Variants in ARSB observed in about 807,000 individuals in gnomAD.
ARSB encodes N-acetylgalactosamine-4-sulfatase.
Under a neutral mutation model 50.9 loss-of-function variants are expected in ARSB, and 41 were observed. That is an observed-to-expected ratio of 0.81 (90% CI 0.63 to 1.04). ARSB has a LOEUF of 1.04. Ranked by LOEUF, ARSB falls within the 50% of genes least tolerant of loss-of-function variation. The pLI is 0.00. For missense variants in ARSB, 672 were observed against 693.3 expected (o/e 0.97, Z 0.35); for synonymous variants, 269 against 284.8 (o/e 0.94, Z 0.56).
chr5:78,781,985 A>G lies in ARSB; in HGVS notation c.1214-11T>C. On this transcript the variant is annotated splice_polypyrimidine_tract_variant and intron_variant, in intron 6 of 7. Coordinates refer to ENST00000264914, the MANE Select transcript of ARSB (RefSeq NM_000046.5). The stretch of plus-strand genomic sequence containing the variant: ...TGCTGTTCCTGGGACCTGGGAAGAA[A>G]TAGTTTGAAAGAATTAGATCACTGT... 2.5e-6 allele frequency: 4 copies of G among 1,614,088 alleles called. No individual in the cohort carries two copies. Among genetic ancestry groups the G allele is most frequent in the Non-Finnish European group, 3.4e-6 (4 of 1,179,930 alleles).
In ARSB at chr5:78,885,181, T is replaced by G. The variant is rs150285882; in HGVS notation, c.1142+403A>C. 16 of 223,906 alleles carry G rather than the reference T, an allele frequency of 7.1e-5. No homozygotes were observed. The East Asian group carries it at 1.5e-3, about 21-fold the overall frequency. 13.9% of individuals were successfully genotyped at this position (223,906 alleles called of 1,614,324 possible). A position where few individuals can be genotyped will look rare whatever the true frequency, so the allele number is the denominator to read the frequency against. On this transcript the variant is annotated intron_variant, in intron 5 of 7. Transcript: ENST00000264914. Reference sequence around the variant, plus strand: ...TGCTTGTTAGATACTTGCTAATAAATGGAAATAAACATATCCCTAGTTCCT... The same window carrying G: ...TGCTTGTTAGATACTTGCTAATAAAGGGAAATAAACATATCCCTAGTTCCT...
At chr5:78,790,486 A>G (rs917047889) in intron 6 of ARSB, among the ~76,000 whole-genome samples, 1 of 152,228 alleles carries the variant, frequency 6.6e-6, no homozygotes, top group African/African-American at 2.4e-5. Context: ...TAAAATTAAC[A>G]TAACAGTAGC....
chr5:78,805,833 G>T (rs952340490), intron 6 of ARSB, among the ~76,000 whole-genome samples: 1 of 152,162 alleles, frequency 6.6e-6, no homozygotes, highest in Non-Finnish European at 1.5e-5. Flanking sequence ...AACTGGTCGC[G>T]GTGCCGAACC....
chr5:78,811,925 A>T (rs1743820948), intron 6 of ARSB, among the ~76,000 whole-genome samples: 1 of 151,178 alleles, frequency 6.6e-6, no homozygotes, highest in South Asian at 2.1e-4. Context: ...TTCACATTTC[A>T]TCCATACATT....
chr5:78,956,593 C>G (rs1456073181), intron 3 of ARSB, among the ~76,000 whole-genome samples: 1 of 152,014 alleles, frequency 6.6e-6, no homozygotes. Flanking sequence ...AAGCCAGAGT[C>G]CCAGAACGGC....
intron 4 of ARSB, among the ~76,000 whole-genome samples, chr5:78,906,028 A>G (rs79253508): frequency 0.036 from 5,476 of 151,988 alleles, 330 homozygotes; most frequent in African/African-American, 0.12. Context: ...CACAACACCA[A>G]TGCAGATCTT....
At position 78,925,821 on chromosome 5, in the gene ARSB, C is replaced by T. The variant is rs184792573; in HGVS notation, c.898+29474G>A. Among the ~76,000 whole-genome samples the T allele has an allele frequency of 1.5e-3, 226 of 152,198 alleles. 3 individuals are homozygous for T. In the South Asian group the frequency reaches 0.019, roughly 13 times the overall value. On this transcript the variant is annotated intron_variant, in intron 4 of 7. Transcript: ENST00000264914. ...TGTGTTTATTTCCCGATTTACAAAA[C>T]GGTGATAATTATTTCTAACCTACCC... is the stretch of plus-strand genomic sequence containing the variant.
At chr5:78,880,993 A>T (rs1020470187) in intron 5 of ARSB, among the ~76,000 whole-genome samples, 1 of 152,206 alleles carries the variant, frequency 6.6e-6, no homozygotes, top group East Asian at 1.9e-4. Context: ...GCGCTTTGGG[A>T]GGCCAAGGCA....
intron 6 of ARSB, among the ~76,000 whole-genome samples, chr5:78,828,593 C>T (rs944847878): frequency 1.7e-4 from 26 of 152,188 alleles, no homozygotes; most frequent in Admixed American, 6.5e-5. Flanking sequence ...CAACTTGTAA[C>T]GTCTCTACCA....
chr5:78,856,416 G>A (rs1418851086), intron 5 of ARSB, among the ~76,000 whole-genome samples: 1 of 152,170 alleles, frequency 6.6e-6, no homozygotes. Flanking sequence ...AGTATCTTAA[G>A]AAATCTGTTG....
intron 5 of ARSB, 88 bp downstream of exon 5, chr5:78,885,496 T>C: frequency 6.4e-7 from 1 of 1,554,130 alleles, no homozygotes; most frequent in South Asian, 1.2e-5. Context: ...ACTATCATTT[T>C]AACACAAAAG....
intron 4 of ARSB, among the ~76,000 whole-genome samples, chr5:78,942,261 GT>G (rs1750972233): frequency 1.3e-5 from 2 of 152,132 alleles, no homozygotes; most frequent in Non-Finnish European, 2.9e-5. Context: ...ATTTTGAAGG[GT>G]TTTTTGTGTC....
chr5:78,810,132 C>T (rs1011761279), intron 6 of ARSB, among the ~76,000 whole-genome samples: 3 of 152,230 alleles, frequency 2.0e-5, no homozygotes, highest in African/African-American at 7.2e-5. Flanking sequence ...GCTTCACTGG[C>T]CTCCTAGAAC....
chr5:78,906,809 G>T (rs1242174411), intron 4 of ARSB, among the ~76,000 whole-genome samples: 1 of 152,170 alleles, frequency 6.6e-6, no homozygotes, highest in Non-Finnish European at 1.5e-5. Flanking sequence ...CGGGAAGGTG[G>T]TGCCCATGAT....
chr5:78,817,027 T>C (rs1744015289), intron 6 of ARSB: 1 of 947,800 alleles, frequency 1.1e-6, no homozygotes, highest in Non-Finnish European at 1.3e-6. Context: ...CTGCTAAATT[T>C]GTGGTAATTT....
At chr5:78,852,923 C>T (rs943961975) in intron 5 of ARSB, among the ~76,000 whole-genome samples, 6 of 152,202 alleles carry the variant, frequency 3.9e-5, no homozygotes, top group African/African-American at 1.4e-4. Context: ...CCTTTAAGCA[C>T]TTCTCTGTAT....
intron 5 of ARSB, among the ~76,000 whole-genome samples, chr5:78,868,935 A>G (rs80225590): frequency 0.23 from 34,894 of 151,696 alleles, 4,803 homozygotes; most frequent in Admixed American, 0.31. Context: ...GTGCAGAGAC[A>G]CACATAGGCT....
chr5:78,780,187 T>C lies in ARSB; in HGVS notation c.*210A>G, dbSNP rs1237326220. 4.7e-6 allele frequency: 3 copies of C among 639,522 alleles called. No homozygotes were observed. The highest frequency in any genetic ancestry group is 8.0e-6 in the Non-Finnish European group (3 of 373,376). The allele number at this position is 639,522 out of a possible 1,614,324, so 39.6% of individuals were successfully genotyped here. A position where few individuals can be genotyped will look rare whatever the true frequency, so the allele number is the denominator to read the frequency against. On this transcript the variant is annotated 3_prime_UTR_variant, in exon 8 of 8. Coordinates refer to ENST00000264914, the MANE Select transcript of ARSB (RefSeq NM_000046.5). Reference sequence around the variant, plus strand: ...GGATAAACCCAGCCACCCCCACCTCTAGACACATGCTCCAGCCAACAGCAG... The same window carrying C: ...GGATAAACCCAGCCACCCCCACCTCCAGACACATGCTCCAGCCAACAGCAG...
At chr5:78,936,482 A>G (rs78460866) in intron 4 of ARSB, among the ~76,000 whole-genome samples, 4 of 21,802 alleles carry the variant, frequency 1.8e-4, no homozygotes, top group African/African-American at 1.8e-3. Flanking sequence ...AACTCCTAAG[A>G]AAAAAAAAAA....
Sources: gnomAD v4.1 joint callset for allele counts (sites outside exome capture counted in the v4.1 genomes callset) on GRCh38, gnomAD v4.1.1 for gene constraint, MANE v1.5 for transcripts, NCBI Gene and HGNC (gene_info 2026-07-23, HGNC 2026-07-21) for gene names.